GRIK2: variants seen among roughly 807,000 people sequenced by gnomAD.
The protein encoded by GRIK2 is glutamate receptor ionotropic, kainate 2.
Under a neutral mutation model 100.3 loss-of-function variants are expected in GRIK2, and 32 were observed. The observed-to-expected ratio is 0.32, with a 90% CI of 0.24 to 0.43. The LOEUF is 0.43. Among genes scored for constraint, GRIK2 ranks in the 20% least tolerant of loss-of-function variants. The probability of loss-of-function intolerance (pLI) is 1.00; values close to 1 mark genes in which losing one functional copy is unlikely to be tolerated. For missense variants in GRIK2, 843 were observed against 1,114.9 expected (o/e 0.76, Z 3.47); for synonymous variants, 417 against 389.4 (o/e 1.07, Z -0.83).
intron 2 of GRIK2, among the ~76,000 whole-genome samples, chr6:101,452,946 T>C (rs1349047651): frequency 3.3e-5 from 5 of 151,908 alleles, no homozygotes; most frequent in Non-Finnish European, 2.9e-5. Flanking sequence ...ATGGCAGTTT[T>C]ATTTTTTCAG....
At position 101,466,122 on chromosome 6, in the gene GRIK2, A is replaced by G. The variant is rs9322571; in HGVS notation, c.115+66730A>G. On this transcript the variant is annotated intron_variant, in intron 2 of 16. Coordinates refer to ENST00000369134, the MANE Select transcript of GRIK2 (RefSeq NM_021956.5). ...CAAAATATTTCCTTCTGTCATTGCC[A>G]GTGTTGTGGCAACGTCAAAGTGTTT... 1.2e-3 allele frequency among the ~76,000 whole-genome samples: 184 copies of G among 152,250 alleles called. 1 individual carries two copies. Among genetic ancestry groups the G allele is most frequent in the African/African-American group, 4.4e-3 (181 of 41,558 alleles).
chr6:101,815,028 G>T (rs1490292178), intron 9 of GRIK2, among the ~76,000 whole-genome samples: 1 of 152,094 alleles, frequency 6.6e-6, no homozygotes, highest in East Asian at 1.9e-4. Context: ...ATTTACAGAT[G>T]GGAGAATTGT....
chr6:101,657,087 A>T (rs965405639), intron 4 of GRIK2, among the ~76,000 whole-genome samples: 1 of 152,216 alleles, frequency 6.6e-6, no homozygotes, highest in African/African-American at 2.4e-5. Flanking sequence ...TGGATAAAAT[A>T]CACACTATCA....
At chr6:101,690,777 A>C (rs1582967056) in intron 7 of GRIK2, among the ~76,000 whole-genome samples, 1 of 152,148 alleles carries the variant, frequency 6.6e-6, no homozygotes, top group Admixed American at 6.5e-5. Flanking sequence ...ATTCCAGCAT[A>C]GGATACTTCA....
chr6:101,535,143 GA>G (rs1021651411), intron 2 of GRIK2, among the ~76,000 whole-genome samples: 2 of 150,826 alleles, frequency 1.3e-5, no homozygotes, highest in South Asian at 4.2e-4. Flanking sequence ...TCAGTCTTGT[GA>G]AAAAAAACAG....
chr6:101,678,191 G>A (rs1770980884), intron 5 of GRIK2, among the ~76,000 whole-genome samples: 2 of 152,066 alleles, frequency 1.3e-5, no homozygotes, highest in Admixed American at 1.3e-4. Context: ...ATGATCAGCT[G>A]TCTTTTCTCT....
intron 9 of GRIK2, among the ~76,000 whole-genome samples, chr6:101,813,424 T>C (rs372810844): frequency 3.3e-5 from 5 of 152,278 alleles, no homozygotes; most frequent in Admixed American, 2.6e-4. Flanking sequence ...TAAAAGTATG[T>C]CACATAATTA....
chr6:101,427,181 C>G (rs1188331746), intron 2 of GRIK2, among the ~76,000 whole-genome samples: 1 of 152,198 alleles, frequency 6.6e-6, no homozygotes, highest in East Asian at 1.9e-4. Context: ...ACTTCTACAG[C>G]TGAACCAAGG....
intron 7 of GRIK2, among the ~76,000 whole-genome samples, chr6:101,789,453 TA>T (rs1289026331): frequency 1.3e-5 from 2 of 152,196 alleles, no homozygotes; most frequent in Non-Finnish European, 2.9e-5. Context: ...CACCATTTAT[TA>T]AATAGGGAAT....
chr6:101,648,850 C>T (rs1295348306), intron 4 of GRIK2, among the ~76,000 whole-genome samples: 18 of 151,998 alleles, frequency 1.2e-4, no homozygotes, highest in Admixed American at 1.1e-3. Context: ...CTCACAGTTC[C>T]ACTTGGCTGG....
chr6:101,911,789 A>G (rs1419769155), intron 12 of GRIK2, among the ~76,000 whole-genome samples: 1 of 151,420 alleles, frequency 6.6e-6, no homozygotes, highest in African/African-American at 2.4e-5. Context: ...TTCAGGGAGG[A>G]AAAGTGAGGT....
intron 2 of GRIK2, among the ~76,000 whole-genome samples, chr6:101,494,014 T>C (rs1405319247): frequency 7.0e-5 from 7 of 99,898 alleles, no homozygotes; most frequent in African/African-American, 2.8e-4. Flanking sequence ...ATATATTATA[T>C]ATAAAAATTA....
At chr6:101,916,213 A>C (rs2128467387) in intron 12 of GRIK2, among the ~76,000 whole-genome samples, 1 of 151,622 alleles carries the variant, frequency 6.6e-6, no homozygotes, top group Admixed American at 6.6e-5. Flanking sequence ...ATATGGCAGT[A>C]AATAAAAAAT....
At chr6:101,433,332 C>G (rs183452095) in intron 2 of GRIK2, among the ~76,000 whole-genome samples, 10 of 152,262 alleles carry the variant, frequency 6.6e-5, no homozygotes, top group Non-Finnish European at 1.2e-4. Context: ...CTGAAAAGCC[C>G]AGAATGCAGA....
At chr6:101,982,014 C>G (rs540189288) in intron 14 of GRIK2, among the ~76,000 whole-genome samples, 2 of 151,896 alleles carry the variant, frequency 1.3e-5, no homozygotes, top group Non-Finnish European at 2.9e-5. Context: ...AAAACAAACA[C>G]TTTTTGAATA....
intron 2 of GRIK2, among the ~76,000 whole-genome samples, chr6:101,525,036 A>T (rs1445948393): frequency 2.0e-5 from 3 of 151,994 alleles, no homozygotes; most frequent in Non-Finnish European, 4.4e-5. Context: ...CTGAGCCCCC[A>T]CTTGCGTGTT....
chr6:101,679,115 A>G (rs1393448891), intron 5 of GRIK2, among the ~76,000 whole-genome samples: 2 of 152,038 alleles, frequency 1.3e-5, no homozygotes, highest in Admixed American at 6.5e-5. Context: ...GGGAAAAAAT[A>G]GTAATCAGGA....
chr6:101,494,920 T>G (rs963380402), intron 2 of GRIK2, among the ~76,000 whole-genome samples: 1 of 145,330 alleles, frequency 6.9e-6, no homozygotes, highest in Non-Finnish European at 1.5e-5. Context: ...AGTGAGACTC[T>G]ATCACAAATA....
intron 7 of GRIK2, among the ~76,000 whole-genome samples, chr6:101,757,437 CTA>C (rs1777205396): frequency 1.3e-5 from 2 of 152,170 alleles, no homozygotes; most frequent in East Asian, 3.9e-4. Flanking sequence ...ATAATAATAA[CTA>C]TGTTTTCCTG....
Sources: gnomAD v4.1 joint callset for allele counts (sites outside exome capture counted in the v4.1 genomes callset) on GRCh38, gnomAD v4.1.1 for gene constraint, MANE v1.5 for transcripts, NCBI Gene and HGNC (gene_info 2026-07-23, HGNC 2026-07-21) for gene names.